Variants in GFM2 observed in about 807,000 individuals in gnomAD.
GFM2 encodes ribosome-releasing factor 2, mitochondrial.
A neutral mutation model predicts 95.4 loss-of-function variants in GFM2; 72 were observed. The observed-to-expected ratio is 0.76, with a 90% confidence interval of 0.62 to 0.92. The LOEUF is 0.92. GFM2 is among the 40% of genes least tolerant of loss of function. The pLI is 0.00. For missense variants in GFM2, 825 were observed against 924.1 expected (o/e 0.89, Z 1.39); for synonymous variants, 276 against 317.5 (o/e 0.87, Z 1.39).
chr5:74,739,988 C>G lies in GFM2; in HGVS notation c.1079+1G>C, dbSNP rs375710933. 1 of 1,514,192 alleles carries G rather than the reference C, an allele frequency of 6.6e-7. No individual in the cohort carries two copies. The highest frequency in any genetic ancestry group is 8.8e-7 in the Non-Finnish European group (1 of 1,131,514). 93.8% of individuals were successfully genotyped at this position (1,514,192 alleles called of 1,614,324 possible). On this transcript the variant is annotated splice_donor_variant, in intron 12 of 20. Coordinates refer to ENST00000296805, the MANE Select transcript of GFM2 (RefSeq NM_032380.5). LOFTEE classifies it high-confidence loss of function. ...TTTAATATATGTGATTGCATACTTA[C>G]AGAAATTCATAGTTACGCTCTTCAG...
intron 5 of GFM2, among the ~76,000 whole-genome samples, chr5:74,752,967 A>G (rs1178624002): frequency 6.6e-6 from 1 of 152,168 alleles, no homozygotes. Context: ...AAGGAACCAG[A>G]AAAACAATTC....
chr5:74,750,664 T>C lies in GFM2; in HGVS notation c.434A>G (p.His145Arg). 1.2e-6 allele frequency: 2 copies of C among 1,611,322 alleles called. No individual in the cohort carries two copies. Among genetic ancestry groups the C allele is most frequent in the Non-Finnish European group, 1.7e-6 (2 of 1,177,974 alleles). ...YRVNLIDTPG[H>R]VDFTLEVERC... ...CTCAACCTCCAAGGTAAAGTCCACA[T>C]GACCTAAGAAAAAGATAAGACGTAT... The change falls in exon 7 of 21, where the codon CAT becomes CGT. Residue 145 changes from histidine to arginine, a missense_variant. Transcript: ENST00000296805.
rs758145698 is a variant in GFM2, at chr5:74,763,694, T to C, written c.49A>G (p.Ser17Gly). The change falls in exon 2 of 21, where the codon AGT (serine) becomes GGT (glycine). Residue 17 changes from serine to glycine, a missense_variant. By Grantham distance (56) the Ser-to-Gly change is moderately conservative. Transcript: ENST00000296805. ...GAAATGCTTACATTAATATACACAC[T>C]GGGTATTGTCTGATGACTCATTGCA... ...IFAMSHQTIP[S>G]VYINNICCYK... 5.0e-6 allele frequency: 8 copies of C among 1,585,164 alleles called. No homozygotes were observed. The East Asian group carries it at 1.8e-4, about 36-fold the overall frequency.
intron 16 of GFM2, among the ~76,000 whole-genome samples, chr5:74,731,976 ACAGGGTCTCG>A (rs1742587545): frequency 6.6e-6 from 1 of 150,676 alleles, no homozygotes; most frequent in South Asian, 2.1e-4. Context: ...TTTTTTCAAG[ACAGGGTCTCG>A]CTCTGTCACC....
chr5:74,748,927 T>TA (rs372015385), intron 7 of GFM2, among the ~76,000 whole-genome samples: 16,283 of 138,474 alleles, frequency 0.12, 1,048 homozygotes, highest in Middle Eastern at 0.17. Flanking sequence ...TAAAAAAAAA[T>TA]AAAAAAAATA....
intron 10 of GFM2, among the ~76,000 whole-genome samples, chr5:74,742,343 G>A (rs1447504456): frequency 6.6e-6 from 1 of 151,612 alleles, no homozygotes; most frequent in Non-Finnish European, 1.5e-5. Flanking sequence ...TATATGTGAT[G>A]GTTAAGCTCA....
chr5:74,765,952 T>C (rs1414978808), intron 1 of GFM2, among the ~76,000 whole-genome samples: 2 of 152,048 alleles, frequency 1.3e-5, no homozygotes, highest in African/African-American at 4.8e-5. Context: ...TGAGACGAGA[T>C]GGCGCATTTG....
chr5:74,723,342 G>A (rs890677034), intron 19 of GFM2, among the ~76,000 whole-genome samples: 4 of 152,136 alleles, frequency 2.6e-5, no homozygotes, highest in East Asian at 1.9e-4. Context: ...CTGAATATCC[G>A]GCAGCTCTCC....
In GFM2 at chr5:74,721,241, A is replaced by AATAAG. The variant is rs1301647310; in HGVS notation, c.*409_*413dup. On this transcript the variant is annotated 3_prime_UTR_variant, in exon 21 of 21. Coordinates refer to ENST00000296805, the MANE Select transcript of GFM2 (RefSeq NM_032380.5). ...TCAACTTTATTTTGAAATCATGTAA[A>AATAAG]ATAAGATATTAGACTGTTTTTTGAA... 4 of 1,236,574 alleles carry AATAAG rather than the reference A, an allele frequency of 3.2e-6. No individual in the cohort carries two copies. The highest frequency in any genetic ancestry group is 4.8e-6 in the Non-Finnish European group (4 of 837,878). The allele number at this position is 1,236,574 out of a possible 1,614,324, so 76.6% of individuals were successfully genotyped here.
intron 7 of GFM2, among the ~76,000 whole-genome samples, chr5:74,748,461 A>T (rs1419170487): frequency 6.6e-6 from 1 of 152,180 alleles, no homozygotes; most frequent in Non-Finnish European, 1.5e-5. Context: ...TCAGTGTCTT[A>T]TTCTTGAACC....
At position 74,730,365 on chromosome 5, in the gene GFM2, C is replaced by G; in HGVS notation, c.1621G>C (p.Glu541Gln). The G allele has an allele frequency of 6.2e-7, 1 of 1,611,066 alleles. No individual in the cohort carries two copies. Among genetic ancestry groups the G allele is most frequent in the Admixed American group, 1.7e-5 (1 of 59,758 alleles). Residue 541 changes from glutamate (E) to glutamine (Q), a missense_variant, in exon 17 of 21, where the codon GAG becomes CAG. By Grantham distance (29) the Glu-to-Gln change is conservative. Transcript: ENST00000296805. ...VLCGMGELHI[E>Q]IIHDRIKREY... ...CTCTTGATTCGATCATGAATAATCT[C>G]TATATGTAACTCCCCCATACCACAC...
At chr5:74,747,645 AAATTGT>A (rs769752382) in intron 8 of GFM2, 41 bp downstream of exon 8, 1 of 1,130,130 alleles carries the variant, frequency 8.8e-7, no homozygotes, top group Admixed American at 1.8e-5. Context: ...TTAAAAGCTC[AAATTGT>A]AGTTTCACCC....
At position 74,746,157 on chromosome 5, in the gene GFM2, T is replaced by C. The variant is rs1185625491; in HGVS notation, c.617A>G (p.Tyr206Cys). Residue 206 changes from tyrosine to cysteine, a missense_variant, in exon 9 of 21, where the codon TAT (tyrosine) becomes TGT (cysteine). Coordinates refer to ENST00000296805, the MANE Select transcript of GFM2 (RefSeq NM_032380.5). Reference protein sequence around the residue: ...KMDKTGASFKYAVESIREKLK... With the variant: ...KMDKTGASFKCAVESIREKLK... ...CTTCTCTCTGATGCTTTCAACTGCA[T>C]ACTTAAAGCTGTAGAAAGCAAAATA... 1 of 1,514,448 alleles carries C rather than the reference T, an allele frequency of 6.6e-7. No homozygotes were observed. The highest frequency in any genetic ancestry group is 8.8e-7 in the Non-Finnish European group (1 of 1,133,340). 93.8% of individuals were successfully genotyped at this position (1,514,448 alleles called of 1,614,324 possible). A position where few individuals can be genotyped will look rare whatever the true frequency, so the allele number is the denominator to read the frequency against.
chr5:74,739,921 C>A, intron 12 of GFM2, 68 bp downstream of exon 12: 1 of 1,137,788 alleles, frequency 8.8e-7, no homozygotes, highest in Non-Finnish European at 1.2e-6. Flanking sequence ...AACTACTTTT[C>A]ATAAAAGTAT....
At chr5:74,729,869 C>A (rs1466749339) in intron 17 of GFM2, among the ~76,000 whole-genome samples, 1 of 152,040 alleles carries the variant, frequency 6.6e-6, no homozygotes, top group Non-Finnish European at 1.5e-5. Context: ...TTACTATCAG[C>A]ATAGAATAAT....
chr5:74,735,186 C>T (rs1467223505), intron 15 of GFM2, among the ~76,000 whole-genome samples: 1 of 152,146 alleles, frequency 6.6e-6, no homozygotes, highest in Non-Finnish European at 1.5e-5. Flanking sequence ...CTTAACTGTC[C>T]TCAAGGCATT....
intron 6 of GFM2, 40 bp downstream of exon 6, chr5:74,751,328 A>C: frequency 6.4e-7 from 1 of 1,558,922 alleles, no homozygotes; most frequent in Non-Finnish European, 8.7e-7. Flanking sequence ...AAAAACTCCA[A>C]ATGACGCAGC....
chr5:74,758,898 G>A lies in GFM2; in HGVS notation c.255C>T (p.Thr85=). ...AATAGTACAATATTCTTTCTGTGGT[G>A]GTAGTTTTGCCTGCATCAATATGAG... The part of the protein sequence containing the change: ...IMAHIDAGKT[T]TTERILYYSG... The change falls in exon 5 of 21, where the codon ACC becomes ACT. Residue 85 remains threonine, a synonymous_variant. Coordinates refer to ENST00000296805, the MANE Select transcript of GFM2 (RefSeq NM_032380.5). 6.2e-7 allele frequency: 1 copy of A among 1,610,126 alleles called. No individual in the cohort carries two copies. The highest frequency in any genetic ancestry group is 2.2e-5 in the East Asian group (1 of 44,828).
In GFM2 at chr5:74,722,188, A is replaced by G. The variant is rs1026309390; in HGVS notation, c.2211+191T>C. 63 of 596,374 alleles carry G rather than the reference A, an allele frequency of 1.1e-4. 1 individual carries two copies. The highest frequency in any genetic ancestry group is 7.9e-4 in the South Asian group (36 of 45,518). The allele number at this position is 596,374 out of a possible 1,614,324, so 36.9% of individuals were successfully genotyped here. ...ACTGTAAATACCCCCTTGTAGTGCT[A>G]TAATCCCTGGATTTCGCCAACAATT... On this transcript the variant is annotated intron_variant, in intron 20 of 20. Transcript: ENST00000296805.
Sources: allele counts gnomAD v4.1 joint callset (sites outside exome capture counted in the v4.1 genomes callset), GRCh38; gene constraint gnomAD v4.1.1; transcripts MANE v1.5; gene names NCBI Gene and HGNC (gene_info 2026-07-23, HGNC 2026-07-21).